The following CADPS2 variants were observed in gnomAD, a reference collection of about 807,000 sequenced individuals.
CADPS2 encodes calcium dependent secretion activator 2.
CADPS2 carries 93 observed loss-of-function variants against 172.5 expected under a neutral mutation model. The observed-to-expected ratio is 0.54, with a 90% confidence interval of 0.46 to 0.64. CADPS2 has a LOEUF of 0.64. Among genes scored for constraint, CADPS2 ranks in the 30% least tolerant of loss-of-function variants. The pLI is 0.00. For synonymous variants in CADPS2, 546 were observed against 555.2 expected (o/e 0.98, Z 0.23); for missense variants, 1,420 against 1,565.9 (o/e 0.91, Z 1.57).
intron 2 of CADPS2, among the ~76,000 whole-genome samples, chr7:122,730,542 A>C (rs1348916346): frequency 2.0e-5 from 3 of 151,746 alleles, no homozygotes. Context: ...GATATTAAAT[A>C]ATATTTAGAT....
At chr7:122,756,061 G>T (rs1270070797) in intron 1 of CADPS2, among the ~76,000 whole-genome samples, 2 of 152,130 alleles carry the variant, frequency 1.3e-5, no homozygotes, top group African/African-American at 4.8e-5. Flanking sequence ...AAAGAGTTTA[G>T]GTTTAATCAG....
intron 9 of CADPS2, among the ~76,000 whole-genome samples, chr7:122,506,760 G>T (rs1368553154): frequency 6.7e-6 from 1 of 149,760 alleles, no homozygotes; most frequent in Non-Finnish European, 1.5e-5. Flanking sequence ...AACTACACCA[G>T]AGCTGAATTT....
chr7:122,875,422 C>T (rs1457341058), intron 1 of CADPS2, among the ~76,000 whole-genome samples: 1 of 151,544 alleles, frequency 6.6e-6, no homozygotes, highest in Non-Finnish European at 1.5e-5. Flanking sequence ...GCTGGAAATG[C>T]AAAATAAATT....
At chr7:122,548,922 C>T (rs765370917) in intron 8 of CADPS2, among the ~76,000 whole-genome samples, 2 of 152,146 alleles carry the variant, frequency 1.3e-5, no homozygotes, top group African/African-American at 2.4e-5. Context: ...ACCATATCTA[C>T]ATCCATAATA....
intron 1 of CADPS2, among the ~76,000 whole-genome samples, chr7:122,820,499 A>T (rs1175182738): frequency 6.8e-6 from 1 of 146,578 alleles, no homozygotes; most frequent in African/African-American, 2.6e-5. Flanking sequence ...AAGAGCCAGG[A>T]CCACACCCTG....
chr7:122,716,757 G>T (rs943041937), intron 2 of CADPS2, among the ~76,000 whole-genome samples: 4 of 152,136 alleles, frequency 2.6e-5, no homozygotes, highest in East Asian at 1.9e-4. Context: ...GGTAAATCAT[G>T]AGGAGGGAGT....
chr7:122,679,086 A>G (rs1170972086), intron 2 of CADPS2, among the ~76,000 whole-genome samples: 1 of 152,126 alleles, frequency 6.6e-6, no homozygotes, highest in Non-Finnish European at 1.5e-5. Context: ...CCTTAAGAAC[A>G]GGGTAACAGT....
intron 28 of CADPS2, among the ~76,000 whole-genome samples, chr7:122,327,668 AT>A (rs1283253273): frequency 2.0e-5 from 3 of 152,108 alleles, no homozygotes; most frequent in African/African-American, 7.2e-5. Context: ...GGTACTTATA[AT>A]TAAGTGATAA....
At chr7:122,495,772 G>A (rs534030614) in intron 9 of CADPS2, among the ~76,000 whole-genome samples, 1 of 152,134 alleles carries the variant, frequency 6.6e-6, no homozygotes. Context: ...TGTGGTATAT[G>A]AGCACTCCAG....
At chr7:122,882,773 T>C (rs1414908842) in intron 1 of CADPS2, among the ~76,000 whole-genome samples, 1 of 152,156 alleles carries the variant, frequency 6.6e-6, no homozygotes, top group Non-Finnish European at 1.5e-5. Flanking sequence ...CATCCAAAGT[T>C]AATCATCATT....
intron 6 of CADPS2, among the ~76,000 whole-genome samples, chr7:122,587,025 A>G (rs1163976300): frequency 1.3e-5 from 2 of 152,034 alleles, no homozygotes; most frequent in Non-Finnish European, 2.9e-5. Context: ...ACATTAAATA[A>G]GGATCCAGCA....
At chr7:122,400,871 T>C (rs563487671) in intron 20 of CADPS2, among the ~76,000 whole-genome samples, 1 of 152,340 alleles carries the variant, frequency 6.6e-6, no homozygotes, top group South Asian at 2.1e-4. Context: ...ATTTCAAAGC[T>C]TGAAGATTAA....
At chr7:122,367,264 G>A (rs1321906674) in intron 25 of CADPS2, among the ~76,000 whole-genome samples, 3 of 151,930 alleles carry the variant, frequency 2.0e-5, no homozygotes, top group East Asian at 3.9e-4. Flanking sequence ...AAATCCAGGG[G>A]AAAATATTCT....
chr7:122,737,017 T>C lies in CADPS2; in HGVS notation c.391A>G (p.Asn131Asp), dbSNP rs1279818093. The C allele has an allele frequency of 6.2e-7, 1 of 1,612,862 alleles. No homozygotes were observed. Among genetic ancestry groups the C allele is most frequent in the Non-Finnish European group, 8.5e-7 (1 of 1,179,088 alleles). The change falls in exon 2 of 30, where the codon AAT becomes GAT. Residue 131 changes from asparagine to aspartate, a missense_variant. Coordinates refer to ENST00000449022, the MANE Select transcript of CADPS2 (RefSeq NM_017954.11). ...LLKERFQAFL[N>D]GETQIVADEA... ...TCAGCTACAATTTGGGTTTCCCCAT[T>C]GAGGAAGGCCTGGAACCGTTCTTTC...
chr7:122,800,373 A>G (rs2139925760), intron 1 of CADPS2, among the ~76,000 whole-genome samples: 1 of 152,372 alleles, frequency 6.6e-6, no homozygotes, highest in South Asian at 2.1e-4. Flanking sequence ...ATTTTACCTC[A>G]TAAACAGATA....
At chr7:122,361,277 A>T (rs1429916408) in intron 25 of CADPS2, among the ~76,000 whole-genome samples, 1 of 136,250 alleles carries the variant, frequency 7.3e-6, no homozygotes, top group Admixed American at 8.0e-5. Context: ...TCTGTCACCC[A>T]GGCTGGAGTG....
intron 7 of CADPS2, among the ~76,000 whole-genome samples, chr7:122,577,206 T>C (rs1447842794): frequency 6.6e-6 from 1 of 152,070 alleles, no homozygotes; most frequent in East Asian, 1.9e-4. Flanking sequence ...ATTAAACCTC[T>C]TTTCTTCATA....
At chr7:122,390,130 T>C (rs2044189913) in intron 22 of CADPS2, among the ~76,000 whole-genome samples, 1 of 151,998 alleles carries the variant, frequency 6.6e-6, no homozygotes, top group South Asian at 2.1e-4. Flanking sequence ...CAGACTTAAG[T>C]TCTCTAGGGA....
At chr7:122,454,246 T>C (rs2152058133) in intron 14 of CADPS2, among the ~76,000 whole-genome samples, 1 of 152,300 alleles carries the variant, frequency 6.6e-6, no homozygotes, top group East Asian at 1.9e-4. Context: ...ACTGGCTATC[T>C]TATATGCAGA....
Sources: allele counts gnomAD v4.1 joint callset (sites outside exome capture counted in the v4.1 genomes callset), GRCh38; gene constraint gnomAD v4.1.1; transcripts MANE v1.5; gene names NCBI Gene and HGNC (gene_info 2026-07-23, HGNC 2026-07-21).